The following MTBP variants were observed in gnomAD, a reference collection of about 807,000 sequenced individuals.
The protein encoded by MTBP is MDM2 binding protein, also known as mdm2-binding protein.
MTBP carries 101 observed loss-of-function variants against 117.0 expected under a neutral mutation model. The observed-to-expected ratio is 0.86, with a 90% confidence interval of 0.73 to 1.02. The LOEUF (loss-of-function observed/expected upper bound fraction) is 1.02. Ranked by LOEUF, MTBP falls within the 50% of genes least tolerant of loss-of-function variation. The pLI, the probability that MTBP is intolerant of heterozygous loss-of-function variation, is 0.00. For synonymous variants in MTBP, 350 were observed against 351.5 expected (o/e 1.00, Z 0.05); for missense variants, 970 against 1,030.9 (o/e 0.94, Z 0.81).
At position 120,463,618 on chromosome 8, in the gene MTBP, A is replaced by G. The variant is rs572976056; in HGVS notation, c.978-74A>G. The G allele has an allele frequency of 5.8e-6, 7 of 1,215,940 alleles. No individual in the cohort carries two copies. In the African/African-American group the frequency reaches 6.0e-5, roughly 10 times the overall value. The allele number at this position is 1,215,940 out of a possible 1,614,324, so 75.3% of individuals were successfully genotyped here. A position where few individuals can be genotyped will look rare whatever the true frequency, so the allele number is the denominator to read the frequency against. Reference sequence around the variant, plus strand: ...TTTAAGCAACTGTGGAAGAATTGAAATAATGAAACTTATTTTAAGGAGTAC... The same window carrying G: ...TTTAAGCAACTGTGGAAGAATTGAAGTAATGAAACTTATTTTAAGGAGTAC... On this transcript the variant is annotated intron_variant, in intron 9 of 21. Coordinates refer to ENST00000305949, the MANE Select transcript of MTBP (RefSeq NM_022045.5).
At chr8:120,512,846 C>G (rs569320396) in intron 17 of MTBP, among the ~76,000 whole-genome samples, 1 of 151,446 alleles carries the variant, frequency 6.6e-6, no homozygotes, top group Non-Finnish European at 1.5e-5. Flanking sequence ...GTATGAGAAC[C>G]GATTTATGTT....
At chr8:120,489,341 C>T (rs887603536) in intron 12 of MTBP, among the ~76,000 whole-genome samples, 2 of 152,124 alleles carry the variant, frequency 1.3e-5, no homozygotes, top group African/African-American at 4.8e-5. Flanking sequence ...CCGGCCTAGG[C>T]TGACTTCTTA....
intron 15 of MTBP, among the ~76,000 whole-genome samples, chr8:120,502,829 T>G (rs1814613125): frequency 6.6e-6 from 1 of 152,244 alleles, no homozygotes; most frequent in African/African-American, 2.4e-5. Context: ...TCTAGGTCTG[T>G]GTCATCACAG....
intron 10 of MTBP, among the ~76,000 whole-genome samples, chr8:120,469,652 C>T (rs1435284723): frequency 9.9e-5 from 15 of 152,176 alleles, no homozygotes; most frequent in Admixed American, 9.8e-4. Flanking sequence ...GAAAATTACT[C>T]ACATTTGTTT....
intron 7 of MTBP, among the ~76,000 whole-genome samples, chr8:120,458,736 G>T (rs1414291615): frequency 3.3e-5 from 5 of 151,770 alleles, no homozygotes; most frequent in Non-Finnish European, 7.4e-5. Flanking sequence ...AACTACTCAG[G>T]AGGCTGAGGC....
chr8:120,466,727 A>T (rs1813702426), intron 10 of MTBP, among the ~76,000 whole-genome samples: 1 of 151,896 alleles, frequency 6.6e-6, no homozygotes, highest in African/African-American at 2.4e-5. Flanking sequence ...ACAAAAAATT[A>T]GCCGGGCAAG....
chr8:120,493,501 T>A (rs1814390874), intron 13 of MTBP, among the ~76,000 whole-genome samples: 1 of 151,830 alleles, frequency 6.6e-6, no homozygotes, highest in African/African-American at 2.4e-5. Flanking sequence ...TATAATTTTT[T>A]TTTTTTTGAG....
rs6985660 is a variant in MTBP at position 120,446,649 on chromosome 8, G to T, written c.199+136G>T. On this transcript the variant is annotated intron_variant, in intron 2 of 21. Transcript: ENST00000305949. ...GCACTGAGTTACAGAGATAACTAAG[G>T]GAGTACAAAACTGAAAAATAAATTA... is the stretch of plus-strand genomic sequence containing the variant. 0.075 allele frequency: 42,472 copies of T among 566,038 alleles called. 2,766 individuals carry two copies. The highest frequency in any genetic ancestry group is 0.23 in the East Asian group (8,714 of 37,598). The allele number at this position is 566,038 out of a possible 1,614,324, so 35.1% of individuals were successfully genotyped here.
chr8:120,473,492 C>T (rs1813866945), intron 11 of MTBP: 1 of 152,118 alleles, frequency 6.6e-6, no homozygotes, highest in African/African-American at 2.4e-5. Context: ...GTCTTTTTCG[C>T]TGTGAAATTT....
chr8:120,494,365 G>A (rs1182303404), intron 13 of MTBP, among the ~76,000 whole-genome samples: 2 of 152,176 alleles, frequency 1.3e-5, no homozygotes, highest in East Asian at 1.9e-4. Context: ...GTCTAGAAGT[G>A]TTTTAAAATG....
chr8:120,488,775 T>TATC (rs1814275449), intron 12 of MTBP, among the ~76,000 whole-genome samples: 1 of 152,186 alleles, frequency 6.6e-6, no homozygotes, highest in South Asian at 2.1e-4. Context: ...AGTTTATTAT[T>TATC]ATCTCTCGTG....
chr8:120,519,615 A>T (rs1467327659), intron 20 of MTBP, among the ~76,000 whole-genome samples: 1 of 152,126 alleles, frequency 6.6e-6, no homozygotes, highest in African/African-American at 2.4e-5. Context: ...AAAAACTGGA[A>T]ATGTTTTTAA....
intron 11 of MTBP, among the ~76,000 whole-genome samples, chr8:120,487,876 G>T (rs1814251345): frequency 1.3e-5 from 2 of 152,152 alleles, no homozygotes; most frequent in Admixed American, 1.3e-4. Context: ...TATTGATGTG[G>T]TTATTTAAGA....
In MTBP at chr8:120,459,279, C is replaced by G; in HGVS notation, c.812C>G (p.Thr271Ser). Residue 271 changes from threonine (T) to serine (S), a missense_variant, in exon 8 of 22, where the codon ACT becomes AGT. Physicochemically the swap from Thr to Ser is moderately conservative, Grantham distance 58 (BLOSUM62 1). Coordinates refer to ENST00000305949, the MANE Select transcript of MTBP (RefSeq NM_022045.5). ...LKGVTLKNFSTSNLNTDFLAK... is the reference protein window; with the variant it reads ...LKGVTLKNFSSSNLNTDFLAK... ...GGAGTCACACTTAAGAATTTTAGTACTTCTAATTTAAATACTGACTTCCTT... is the reference window on the plus strand; with the variant it reads ...GGAGTCACACTTAAGAATTTTAGTAGTTCTAATTTAAATACTGACTTCCTT... The G allele has an allele frequency of 6.2e-7, 1 of 1,610,198 alleles. No homozygotes were observed. Among genetic ancestry groups the G allele is most frequent in the Non-Finnish European group, 8.5e-7 (1 of 1,177,716 alleles).
chr8:120,452,404 GGC>G (rs1813375339), intron 4 of MTBP: 1 of 152,146 alleles, frequency 6.6e-6, no homozygotes, highest in Non-Finnish European at 1.5e-5. Flanking sequence ...CACAATCTTA[GGC>G]CAGTCACGTA....
intron 16 of MTBP, among the ~76,000 whole-genome samples, chr8:120,508,254 A>T (rs1200973774): frequency 6.6e-6 from 1 of 152,226 alleles, no homozygotes; most frequent in Non-Finnish European, 1.5e-5. Context: ...CATGACTCCT[A>T]TGTATATACC....
chr8:120,454,698 A>G (rs1813431553), intron 5 of MTBP, among the ~76,000 whole-genome samples: 1 of 152,080 alleles, frequency 6.6e-6, no homozygotes, highest in African/African-American at 2.4e-5. Flanking sequence ...AAAGCCCCAC[A>G]TAGAAAAATA....
chr8:120,497,403 G>T lies in MTBP; in HGVS notation c.1458G>T (p.Lys486Asn). The change falls in exon 14 of 22, where the codon AAG (lysine) becomes AAT (asparagine). Residue 486 changes from lysine (K) to asparagine (N), a missense_variant. Lys to Asn is a moderately conservative substitution (Grantham distance 94). Coordinates refer to ENST00000305949, the MANE Select transcript of MTBP (RefSeq NM_022045.5). The part of the protein sequence containing the change: ...LALEECLKRR[K>N]LAKQPETVSV... ...TGATTTGTCTTATAGAAAGACGAAA[G>T]TTGGCAAAGCAGCCTGAAACAGTTT... 7 of 1,604,356 alleles carry T rather than the reference G, an allele frequency of 4.4e-6. No homozygotes were observed. Among genetic ancestry groups the T allele is most frequent in the Non-Finnish European group, 5.9e-6 (7 of 1,177,130 alleles).
At chr8:120,460,410 G>C (rs1813558239) in intron 8 of MTBP, among the ~76,000 whole-genome samples, 1 of 152,018 alleles carries the variant, frequency 6.6e-6, no homozygotes, top group African/African-American at 2.4e-5. Context: ...TATGATTATA[G>C]ATATATATAC....
Sources: gnomAD v4.1 joint callset for allele counts (sites outside exome capture counted in the v4.1 genomes callset) on GRCh38, gnomAD v4.1.1 for gene constraint, MANE v1.5 for transcripts, NCBI Gene and HGNC (gene_info 2026-07-23, HGNC 2026-07-21) for gene names.